The following HMGB1 variants were observed in gnomAD, a reference collection of about 807,000 sequenced individuals.
HMGB1 encodes the protein high mobility group box 1, also known as high mobility group protein B1.
For missense variants in HMGB1, 79 were observed against 253.5 expected, an observed-to-expected ratio of 0.31 and a Z score of 4.67; for synonymous variants, 81 against 84.0, an observed-to-expected ratio of 0.96 and a Z score of 0.19.
At chr13:30,550,051 T>G (rs947235003) in intron 1 of HMGB1, among the ~76,000 whole-genome samples, 1 of 151,806 alleles carries the variant, frequency 6.6e-6, no homozygotes, top group Non-Finnish European at 1.5e-5. Context: ...TGATGTTAGA[T>G]TCTTTTATAA....
At chr13:30,530,906 G>A (rs1403240685) in intron 1 of HMGB1, among the ~76,000 whole-genome samples, 1 of 152,126 alleles carries the variant, frequency 6.6e-6, no homozygotes, top group African/African-American at 2.4e-5. Flanking sequence ...AATTAGCTGG[G>A]TGTGGTGGCA....
chr13:30,543,371 C>T (rs1026753459), intron 1 of HMGB1: 6 of 152,574 alleles, frequency 3.9e-5, no homozygotes, highest in African/African-American at 1.4e-4. Flanking sequence ...AGTTGATCTG[C>T]CCATCTCAGC....
At chr13:30,558,590 A>G (rs530723811) in intron 1 of HMGB1, among the ~76,000 whole-genome samples, 1 of 152,302 alleles carries the variant, frequency 6.6e-6, no homozygotes, top group South Asian at 2.1e-4. Flanking sequence ...TTTTAGCAAT[A>G]ATCCTAGTTG....
intron 1 of HMGB1, among the ~76,000 whole-genome samples, chr13:30,595,942 CTATT>C (rs561068931): frequency 6.6e-6 from 1 of 152,272 alleles, no homozygotes; most frequent in East Asian, 1.9e-4. Flanking sequence ...CAAGTTAATC[CTATT>C]TAGTCTGGGA....
chr13:30,473,639 C>A (rs1887000225), intron 1 of HMGB1, among the ~76,000 whole-genome samples: 1 of 152,130 alleles, frequency 6.6e-6, no homozygotes, highest in Admixed American at 6.5e-5. Flanking sequence ...AAACTGGAAC[C>A]CTTATGCACA....
intron 1 of HMGB1, among the ~76,000 whole-genome samples, chr13:30,491,050 C>T (rs554286640): frequency 6.6e-6 from 1 of 150,486 alleles, no homozygotes; most frequent in East Asian, 1.9e-4. Flanking sequence ...TTTTTTGAGA[C>T]GGAGTTTCGC....
At chr13:30,478,469 T>C (rs902558538) in intron 1 of HMGB1, among the ~76,000 whole-genome samples, 2 of 152,248 alleles carry the variant, frequency 1.3e-5, no homozygotes, top group African/African-American at 4.8e-5. Flanking sequence ...GATGCATTAT[T>C]ATCATTATAA....
intron 1 of HMGB1, chr13:30,464,285 G>A: frequency 5.1e-6 from 5 of 985,548 alleles, no homozygotes; most frequent in Non-Finnish European, 6.0e-6. Context: ...AGGCAGCCTC[G>A]TTTCCTATCG....
intron 1 of HMGB1, among the ~76,000 whole-genome samples, chr13:30,477,806 C>A (rs760262366): frequency 6.6e-6 from 1 of 152,136 alleles, no homozygotes; most frequent in Non-Finnish European, 1.5e-5. Context: ...GGAGCTGGAC[C>A]GGTTGGGACA....
At chr13:30,610,278 T>C (rs1950501915) in intron 1 of HMGB1, among the ~76,000 whole-genome samples, 1 of 152,244 alleles carries the variant, frequency 6.6e-6, no homozygotes, top group African/African-American at 2.4e-5. Context: ...CTAACCCCTG[T>C]GTTGCTCAAG....
At chr13:30,465,394 G>GCCGCCGAGCCGCGCCGGCCCCGCCGCCC (rs1886715660) in intron 1 of HMGB1, among the ~76,000 whole-genome samples, 1 of 140,608 alleles carries the variant, frequency 7.1e-6, no homozygotes, top group African/African-American at 2.6e-5. Context: ...TCCCGCCGCC[G>GCCGCCGAGCCGCGCCGGCCCCGCCGCCC]CCGCCGAGCC....
At chr13:30,503,031 A>C (rs995935182) in intron 1 of HMGB1, among the ~76,000 whole-genome samples, 4 of 152,156 alleles carry the variant, frequency 2.6e-5, no homozygotes, top group Non-Finnish European at 5.9e-5. Flanking sequence ...GAGGGATACA[A>C]ACAAACAGAT....
chr13:30,554,814 C>T (rs183869591), intron 1 of HMGB1: 6 of 760,470 alleles, frequency 7.9e-6, no homozygotes, highest in East Asian at 4.9e-5. Context: ...AAGATAGACA[C>T]CTAATATTCA....
At chr13:30,527,614 G>C (rs530251037) in intron 1 of HMGB1, among the ~76,000 whole-genome samples, 22 of 152,180 alleles carry the variant, frequency 1.4e-4, no homozygotes, top group African/African-American at 5.3e-4. Flanking sequence ...AGAAGGCGCC[G>C]ATACAGTGTG....
chr13:30,545,365 ATAT>A (rs887513322), intron 1 of HMGB1, among the ~76,000 whole-genome samples: 5 of 150,676 alleles, frequency 3.3e-5, no homozygotes, highest in East Asian at 1.9e-4. Flanking sequence ...GAATAACTGA[ATAT>A]TATTATTATT....
Position 30,513,634 on chromosome 13 carries a change from C to G in HMGB1, c.-14-49940G>C, listed in dbSNP as rs115804744. Among the ~76,000 whole-genome samples, 476 of 152,324 alleles carry G rather than the reference C, an allele frequency of 3.1e-3. 2 individuals carry two copies. The highest frequency in any genetic ancestry group is 0.011 in the African/African-American group (465 of 41,562). On this transcript the variant is annotated intron_variant, in intron 1 of 4. Transcript: ENST00000405805. ...CCTGTATGTCCAAGTTTCTACTGGT[C>G]ATCTCTACTTGGATGTAATACAGAT...
intron 1 of HMGB1, among the ~76,000 whole-genome samples, chr13:30,539,181 G>A (rs1868744305): frequency 6.6e-6 from 1 of 152,224 alleles, no homozygotes; most frequent in South Asian, 2.1e-4. Context: ...ACAGGCGTAA[G>A]CCACTGCGCC....
At chr13:30,538,192 G>A (rs1000034433) in intron 1 of HMGB1, among the ~76,000 whole-genome samples, 1 of 152,180 alleles carries the variant, frequency 6.6e-6, no homozygotes, top group Non-Finnish European at 1.5e-5. Flanking sequence ...CCCAGACACC[G>A]GGTTTCTTCA....
chr13:30,472,320 G>T (rs768990398), intron 1 of HMGB1, among the ~76,000 whole-genome samples: 2 of 151,996 alleles, frequency 1.3e-5, no homozygotes, highest in Non-Finnish European at 2.9e-5. Context: ...GACATGCAAG[G>T]CCAGGCACAG....
Sources: gnomAD v4.1 joint callset for allele counts (sites outside exome capture counted in the v4.1 genomes callset) on GRCh38, gnomAD v4.1.1 for gene constraint, MANE v1.5 for transcripts, NCBI Gene and HGNC (gene_info 2026-07-23, HGNC 2026-07-21) for gene names.